The following CWF19L2 variants were observed in gnomAD, a reference collection of about 807,000 sequenced individuals.
CWF19L2 encodes CWF19-like protein 2.
CWF19L2 carries 98 observed loss-of-function variants against 111.7 expected under a neutral mutation model. That is an observed-to-expected ratio of 0.88 (90% CI 0.75 to 1.04). The LOEUF (loss-of-function observed/expected upper bound fraction) is 1.04, where lower values mean the gene tolerates loss of function less well. Ranked by LOEUF, CWF19L2 falls within the 50% of genes least tolerant of loss-of-function variation. The pLI is 0.00. For missense variants in CWF19L2, 1,101 were observed against 1,051.4 expected (o/e 1.05, Z -0.65); for synonymous variants, 351 against 342.9 (o/e 1.02, Z -0.26).
rs550699411 is a variant in CWF19L2, at chr11:107,444,264, A to G, written c.340-1215T>C. Among the ~76,000 whole-genome samples the G allele has an allele frequency of 9.9e-5, 15 of 152,152 alleles. No individual in the cohort carries two copies. In the South Asian group the frequency reaches 3.1e-3, roughly 32 times the overall value. On this transcript the variant is annotated intron_variant, in intron 3 of 17. Coordinates refer to ENST00000282251, the MANE Select transcript of CWF19L2 (RefSeq NM_152434.3). Reference sequence around the variant, plus strand: ...CTTTCATACATTTTCTCAAAACTCTACAATACATCTACTGTCCCCATTAAT... The same window carrying G: ...CTTTCATACATTTTCTCAAAACTCTGCAATACATCTACTGTCCCCATTAAT...
chr11:107,334,433 A>G lies in CWF19L2; in HGVS notation c.2439+448T>C, dbSNP rs898086642. Among the ~76,000 whole-genome samples the G allele has an allele frequency of 4.6e-5, 7 of 152,256 alleles. No homozygotes were observed. In the South Asian group the frequency reaches 1.4e-3, roughly 31 times the overall value. The stretch of plus-strand genomic sequence containing the variant: ...AACTCAACTACTATTTTATAGTTTT[A>G]TAGGAACATAATAGTGAACCTTTGT... On this transcript the variant is annotated intron_variant, in intron 16 of 17. Transcript: ENST00000282251.
At chr11:107,380,299 T>C (rs1860665777) in intron 12 of CWF19L2, among the ~76,000 whole-genome samples, 1 of 152,174 alleles carries the variant, frequency 6.6e-6, no homozygotes, top group Admixed American at 6.5e-5. Flanking sequence ...ACTGTGAAAC[T>C]ATCCTTCAAG....
In CWF19L2 at chr11:107,410,856, A is replaced by C. The variant is rs533741144; in HGVS notation, c.1617+5353T>G. Among the ~76,000 whole-genome samples, 5 of 152,258 alleles carry C rather than the reference A, an allele frequency of 3.3e-5. 1 individual carries two copies. The South Asian group carries it at 1.0e-3, about 32-fold the overall frequency. On this transcript the variant is annotated intron_variant, in intron 10 of 17. Transcript: ENST00000282251. ...CCTTTTGCTTGCCTAAGATACTTTG[A>C]AAACTGACTTTACATTAAACAACTG... is the stretch of plus-strand genomic sequence containing the variant.
intron 12 of CWF19L2, among the ~76,000 whole-genome samples, chr11:107,363,089 T>C (rs1475620789): frequency 1.3e-5 from 2 of 151,650 alleles, no homozygotes; most frequent in Admixed American, 6.6e-5. Context: ...GAAGATGAAA[T>C]GAATGAAATG....
Position 107,353,481 on chromosome 11 carries a change from A to C in CWF19L2, c.2085+43T>G, listed in dbSNP as rs200805334. 18 of 1,476,008 alleles carry C rather than the reference A, an allele frequency of 1.2e-5. No individual in the cohort carries two copies. In the African/African-American group the frequency reaches 2.4e-4, roughly 19 times the overall value. 91.4% of individuals were successfully genotyped at this position (1,476,008 alleles called of 1,614,324 possible). ...AGTTATTCTATGAAGAAACAAAAAA[A>C]GTTCTATGAGAATGTAAGCAAAGGA... On this transcript the variant is annotated intron_variant, in intron 13 of 17. Coordinates refer to ENST00000282251, the MANE Select transcript of CWF19L2 (RefSeq NM_152434.3).
chr11:107,419,229 T>C (rs1202404004), intron 8 of CWF19L2, among the ~76,000 whole-genome samples: 4 of 152,070 alleles, frequency 2.6e-5, no homozygotes, highest in Non-Finnish European at 5.9e-5. Context: ...TATTAAAGAG[T>C]CTTGCTTCAT....
intron 12 of CWF19L2, 45 bp from the exon 13 acceptor site, chr11:107,353,781 T>G: frequency 6.6e-7 from 1 of 1,504,536 alleles, no homozygotes; most frequent in Middle Eastern, 1.7e-4. Flanking sequence ...AGGTAGTGAT[T>G]AAGATTTTAC....
intron 12 of CWF19L2, among the ~76,000 whole-genome samples, chr11:107,387,272 T>C (rs1025486252): frequency 1.3e-5 from 2 of 151,980 alleles, no homozygotes; most frequent in Admixed American, 6.6e-5. Context: ...TCCTGACACT[T>C]TTCACCAGTT....
At chr11:107,413,925 C>A (rs1208895525) in intron 10 of CWF19L2, among the ~76,000 whole-genome samples, 1 of 152,110 alleles carries the variant, frequency 6.6e-6, no homozygotes, top group East Asian at 1.9e-4. Flanking sequence ...TTCATTATAT[C>A]CCAAACCTGA....
intron 10 of CWF19L2, among the ~76,000 whole-genome samples, chr11:107,412,684 C>A (rs1472741573): frequency 1.3e-5 from 2 of 152,184 alleles, no homozygotes; most frequent in African/African-American, 4.8e-5. Flanking sequence ...AAAAACTGCA[C>A]ACAGATGTGT....
chr11:107,330,421 T>A (rs1306905420), intron 16 of CWF19L2, among the ~76,000 whole-genome samples: 1 of 152,116 alleles, frequency 6.6e-6, no homozygotes, highest in Admixed American at 6.6e-5. Flanking sequence ...TGCACATACT[T>A]AGAGCTCTCC....
At chr11:107,347,222 G>A (rs1860093055) in intron 14 of CWF19L2, among the ~76,000 whole-genome samples, 1 of 152,010 alleles carries the variant, frequency 6.6e-6, no homozygotes, top group Non-Finnish European at 1.5e-5. Context: ...TATTAAATAG[G>A]AAGTCTAAAA....
intron 6 of CWF19L2, among the ~76,000 whole-genome samples, chr11:107,434,833 A>G (rs1463854839): frequency 1.3e-5 from 2 of 152,086 alleles, no homozygotes; most frequent in African/African-American, 2.4e-5. Context: ...AGTGACTAGA[A>G]GGGTCACAAA....
intron 8 of CWF19L2, among the ~76,000 whole-genome samples, chr11:107,421,671 G>A (rs535865013): frequency 4.6e-5 from 7 of 152,174 alleles, no homozygotes; most frequent in Non-Finnish European, 5.9e-5. Flanking sequence ...CTACACATCC[G>A]CTAGAAGAGC....
chr11:107,365,215 A>G (rs1395475909), intron 12 of CWF19L2, among the ~76,000 whole-genome samples: 2 of 149,210 alleles, frequency 1.3e-5, no homozygotes, highest in African/African-American at 2.5e-5. Context: ...CCAGGACCAG[A>G]TGGATTCACA....
At chr11:107,442,616 C>G (rs944321037) in intron 4 of CWF19L2, among the ~76,000 whole-genome samples, 1 of 150,528 alleles carries the variant, frequency 6.6e-6, no homozygotes, top group South Asian at 2.1e-4. Context: ...CTTGGGAGGT[C>G]GAGGGTGCAG....
chr11:107,331,699 A>T (rs907626270), intron 16 of CWF19L2, among the ~76,000 whole-genome samples: 1 of 152,206 alleles, frequency 6.6e-6, no homozygotes, highest in Non-Finnish European at 1.5e-5. Context: ...GTTTGTGGTA[A>T]TTTCTTACAG....
intron 10 of CWF19L2, among the ~76,000 whole-genome samples, chr11:107,394,904 T>G (rs1418783177): frequency 1.3e-5 from 2 of 152,188 alleles, no homozygotes; most frequent in Admixed American, 6.5e-5. Context: ...CAGGGAACAT[T>G]TATCACCAGA....
chr11:107,410,585 G>A (rs183641783), intron 10 of CWF19L2, among the ~76,000 whole-genome samples: 340 of 152,202 alleles, frequency 2.2e-3, no homozygotes, highest in African/African-American at 6.9e-3. Flanking sequence ...ATGATACTTC[G>A]AATACTAATC....
Sources: allele counts gnomAD v4.1 joint callset (sites outside exome capture counted in the v4.1 genomes callset), GRCh38; gene constraint gnomAD v4.1.1; transcripts MANE v1.5; gene names NCBI Gene and HGNC (gene_info 2026-07-23, HGNC 2026-07-21).